RPS6KC1: variants seen among roughly 807,000 people sequenced by gnomAD.
RPS6KC1 encodes the protein ribosomal protein S6 kinase C1.
Under a neutral mutation model 103.8 loss-of-function variants are expected in RPS6KC1, and 54 were observed. The observed-to-expected ratio is 0.52, with a 90% CI of 0.42 to 0.65. The LOEUF is 0.65. Ranked by LOEUF, RPS6KC1 falls within the 30% of genes least tolerant of loss-of-function variation. The pLI, the probability that RPS6KC1 is intolerant of heterozygous loss-of-function variation, is 0.00. For synonymous variants in RPS6KC1, 439 were observed against 438.7 expected (o/e 1.00, Z -0.01); for missense variants, 1,151 against 1,253.8 (o/e 0.92, Z 1.24).
chr1:213,477,347 CTTA>C, the RPS6KC1 span, among the ~76,000 whole-genome samples: 1 of 149,798 alleles, frequency 6.7e-6, no homozygotes, highest in South Asian at 2.1e-4. Context: ...CTGTTATACC[CTTA>C]TTTTTTTTTT....
chr1:213,172,561 C>T (rs879101024), intron 7 of RPS6KC1, among the ~76,000 whole-genome samples: 1 of 152,146 alleles, frequency 6.6e-6, no homozygotes, highest in Admixed American at 6.6e-5. Flanking sequence ...TGCAGTGAGC[C>T]GAGATCGTGT....
At chr1:213,377,174 A>AC in the RPS6KC1 span, among the ~76,000 whole-genome samples, 1 of 152,218 alleles carries the variant, frequency 6.6e-6, no homozygotes, top group Non-Finnish European at 1.5e-5. Flanking sequence ...GACTTCCTGA[A>AC]CGTGGGGGTC....
rs779141632 is a variant in RPS6KC1, at chr1:213,266,901, CTCAAACAAACAA to C, written c.3090+4086_3090+4097del. ...CTGGGCAACAATATTGAGGCTCCGT[CTCAAACAAACAA>C]ACAAACAAACAAACAAACAAACAAA... On this transcript the variant is annotated intron_variant, in intron 14 of 14. Coordinates refer to ENST00000366960, the MANE Select transcript of RPS6KC1 (RefSeq NM_012424.6). 8.4e-3 allele frequency among the ~76,000 whole-genome samples: 1,071 copies of C among 127,796 alleles called. 16 individuals carry two copies. The highest frequency in any genetic ancestry group is 0.026 in the African/African-American group (1,003 of 38,408). The allele number at this position is 127,796 out of a possible 152,430, so 83.8% of individuals were successfully genotyped here.
chr1:213,642,410 G>A, the RPS6KC1 span, among the ~76,000 whole-genome samples: 1 of 152,100 alleles, frequency 6.6e-6, no homozygotes, highest in Non-Finnish European at 1.5e-5. Flanking sequence ...TTACCAGTGA[G>A]ACTGAGCATC....
the RPS6KC1 span, among the ~76,000 whole-genome samples, chr1:213,667,740 G>C: frequency 2.0e-5 from 3 of 152,216 alleles, no homozygotes; most frequent in African/African-American, 7.2e-5. Context: ...TGTCAAATTG[G>C]AGTCAATCCT....
the RPS6KC1 span, among the ~76,000 whole-genome samples, chr1:213,367,960 G>C: frequency 6.6e-6 from 1 of 152,238 alleles, no homozygotes; most frequent in Non-Finnish European, 1.5e-5. Context: ...GGATTTCAGT[G>C]ATTATTCAAT....
chr1:213,363,726 CGTTCTTTCTT>C, the RPS6KC1 span, among the ~76,000 whole-genome samples: 113 of 111,374 alleles, frequency 1.0e-3, 10 homozygotes, highest in East Asian at 4.9e-3. Flanking sequence ...TTCTTTCTTT[CGTTCTTTCTT>C]TCTCTCTTCT....
chr1:213,576,311 T>C, the RPS6KC1 span, among the ~76,000 whole-genome samples: 66 of 151,784 alleles, frequency 4.3e-4, no homozygotes, highest in African/African-American at 1.6e-3. Context: ...ATATATTTAA[T>C]GTAGAGATGA....
chr1:213,409,837 C>G, the RPS6KC1 span, among the ~76,000 whole-genome samples: 2 of 152,120 alleles, frequency 1.3e-5, no homozygotes, highest in East Asian at 3.8e-4. Flanking sequence ...CAGGGAAAGA[C>G]AGACAGGTGA....
At chr1:213,271,523 T>C (rs1294644762) in intron 14 of RPS6KC1, among the ~76,000 whole-genome samples, 1 of 152,092 alleles carries the variant, frequency 6.6e-6, no homozygotes, top group Non-Finnish European at 1.5e-5. Flanking sequence ...CCCAGCACTT[T>C]GGGAGGCCGA....
chr1:213,122,065 A>G (rs112076977), intron 5 of RPS6KC1, among the ~76,000 whole-genome samples: 1,941 of 152,226 alleles, frequency 0.013, 46 homozygotes, highest in African/African-American at 0.044. Flanking sequence ...GATAGCATCT[A>G]TTGCTCGTCT....
At chr1:213,098,378 C>T (rs1048414914) in intron 3 of RPS6KC1, among the ~76,000 whole-genome samples, 4 of 149,150 alleles carry the variant, frequency 2.7e-5, no homozygotes, top group African/African-American at 9.9e-5. Context: ...CTGGGCTCAA[C>T]TGATCAGCCC....
chr1:213,229,022 G>C (rs780540455), intron 8 of RPS6KC1, among the ~76,000 whole-genome samples: 1 of 152,180 alleles, frequency 6.6e-6, no homozygotes. Context: ...CTTAGACCAC[G>C]TTTAGTTTCA....
chr1:213,858,073 T>C, the RPS6KC1 span, among the ~76,000 whole-genome samples: 1 of 152,212 alleles, frequency 6.6e-6, no homozygotes, highest in African/African-American at 2.4e-5. Context: ...ATCAGTTATT[T>C]CATCTGATCA....
At chr1:213,238,093 T>C (rs1381756137) in intron 10 of RPS6KC1, among the ~76,000 whole-genome samples, 1 of 152,140 alleles carries the variant, frequency 6.6e-6, no homozygotes, top group Non-Finnish European at 1.5e-5. Flanking sequence ...CCTGCAGCTA[T>C]TAAGACTTTA....
the RPS6KC1 span, among the ~76,000 whole-genome samples, chr1:213,338,810 G>T: frequency 2.1e-5 from 3 of 143,332 alleles, no homozygotes; most frequent in African/African-American, 7.8e-5. Flanking sequence ...TCACTATGTT[G>T]CCCAGGCTGG....
intron 2 of RPS6KC1, among the ~76,000 whole-genome samples, chr1:213,073,666 TATTA>T: frequency 6.6e-6 from 1 of 151,770 alleles, no homozygotes; most frequent in East Asian, 1.9e-4. Flanking sequence ...ATTATTTATT[TATTA>T]TTTATATTAT....
the RPS6KC1 span, among the ~76,000 whole-genome samples, chr1:213,552,685 A>G: frequency 6.6e-6 from 1 of 152,192 alleles, no homozygotes; most frequent in Non-Finnish European, 1.5e-5. Flanking sequence ...CTCAATCTCC[A>G]TATGGCACCA....
At chr1:213,504,089 G>A in the RPS6KC1 span, among the ~76,000 whole-genome samples, 3 of 151,992 alleles carry the variant, frequency 2.0e-5, no homozygotes, top group African/African-American at 4.8e-5. Context: ...TATATAGAAC[G>A]GTTTTCACAT....
Sources: allele counts gnomAD v4.1 joint callset (sites outside exome capture counted in the v4.1 genomes callset), GRCh38; gene constraint gnomAD v4.1.1; transcripts MANE v1.5; gene names NCBI Gene and HGNC (gene_info 2026-07-23, HGNC 2026-07-21).